The following GPR158 variants were observed in gnomAD, a reference collection of about 807,000 sequenced individuals.
GPR158 encodes the protein metabotropic glycine receptor.
A neutral mutation model predicts 78.2 loss-of-function variants in GPR158; 30 were observed. The ratio of observed to expected loss-of-function variants is 0.38; its 90% confidence interval spans 0.29 to 0.52. GPR158 has a LOEUF of 0.52. Ranked by LOEUF, GPR158 falls within the 20% of genes least tolerant of loss-of-function variation. GPR158 has a pLI of 0.83. For missense variants in GPR158, 1,463 were observed against 1,523.5 expected (o/e 0.96, Z 0.66); for synonymous variants, 581 against 591.1 (o/e 0.98, Z 0.25).
At chr10:25,409,007 A>G (rs962864034) in intron 3 of GPR158, among the ~76,000 whole-genome samples, 26 of 152,184 alleles carry the variant, frequency 1.7e-4, no homozygotes, top group Non-Finnish European at 2.6e-4. Flanking sequence ...AGTAAGGTTG[A>G]CAATGGAGAC....
At chr10:25,263,847 G>C (rs942511266) in intron 2 of GPR158, among the ~76,000 whole-genome samples, 1 of 152,206 alleles carries the variant, frequency 6.6e-6, no homozygotes, top group African/African-American at 2.4e-5. Flanking sequence ...TGAGGCAGGA[G>C]AATTGCTTGA....
At chr10:25,459,461 G>A (rs965500606) in intron 4 of GPR158, among the ~76,000 whole-genome samples, 1 of 152,026 alleles carries the variant, frequency 6.6e-6, no homozygotes, top group African/African-American at 2.4e-5. Context: ...TGTAATAGAA[G>A]GTCTAAATGT....
chr10:25,447,608 T>C (rs1034313233), intron 4 of GPR158, among the ~76,000 whole-genome samples: 4 of 152,222 alleles, frequency 2.6e-5, no homozygotes, highest in African/African-American at 7.2e-5. Context: ...TAATAAAATA[T>C]GCAACTGAAG....
chr10:25,303,477 T>C (rs1854627688), intron 2 of GPR158, among the ~76,000 whole-genome samples: 1 of 152,172 alleles, frequency 6.6e-6, no homozygotes, highest in Non-Finnish European at 1.5e-5. Flanking sequence ...ATTATCGAAT[T>C]TGTAGATAAA....
At chr10:25,252,288 T>TCGTC (rs1385235395) in intron 2 of GPR158, among the ~76,000 whole-genome samples, 1 of 151,682 alleles carries the variant, frequency 6.6e-6, no homozygotes, top group South Asian at 2.1e-4. Context: ...AGTAATTTGA[T>TCGTC]CGTCTGAAGC....
At chr10:25,513,329 T>C (rs1427695535) in intron 5 of GPR158, among the ~76,000 whole-genome samples, 1 of 151,924 alleles carries the variant, frequency 6.6e-6, no homozygotes, top group Non-Finnish European at 1.5e-5. Context: ...TGTGCATTCA[T>C]AGTAGCCTTG....
chr10:25,455,113 A>G (rs375976767), intron 4 of GPR158, among the ~76,000 whole-genome samples: 8 of 152,176 alleles, frequency 5.3e-5, no homozygotes, highest in African/African-American at 1.7e-4. Flanking sequence ...TTTCACCAGG[A>G]TGGGGAACTT....
chr10:25,591,915 G>A (rs1837345843), intron 8 of GPR158, among the ~76,000 whole-genome samples: 1 of 152,006 alleles, frequency 6.6e-6, no homozygotes. Context: ...GGAATTGATA[G>A]GGAGAAAGCA....
At chr10:25,200,766 C>T (rs1434090512) in intron 1 of GPR158, among the ~76,000 whole-genome samples, 1 of 151,986 alleles carries the variant, frequency 6.6e-6, no homozygotes, top group African/African-American at 2.4e-5. Flanking sequence ...AGTCCTTTCC[C>T]CATTGCTTGC....
intron 1 of GPR158, among the ~76,000 whole-genome samples, chr10:25,177,797 G>A (rs746515029): frequency 6.6e-6 from 1 of 152,342 alleles, no homozygotes; most frequent in Admixed American, 6.5e-5. Context: ...ACCATATTAA[G>A]TGCATGTGTG....
chr10:25,497,002 A>T (rs762749467), intron 5 of GPR158, among the ~76,000 whole-genome samples: 3 of 152,134 alleles, frequency 2.0e-5, no homozygotes, highest in Non-Finnish European at 4.4e-5. Flanking sequence ...CTGGGATCTG[A>T]GCTTGGACAG....
chr10:25,243,574 C>A (rs1056380987), intron 2 of GPR158, among the ~76,000 whole-genome samples: 6 of 152,192 alleles, frequency 3.9e-5, no homozygotes, highest in African/African-American at 1.4e-4. Flanking sequence ...TTAGATATCA[C>A]CTTCCCTGGA....
intron 5 of GPR158, 122 bp from the exon 6 acceptor site, chr10:25,550,854 G>A: frequency 1.5e-6 from 1 of 649,590 alleles, no homozygotes; most frequent in Non-Finnish European, 2.8e-6. Flanking sequence ...GTATTTTAAA[G>A]AAGTATTCAG....
At chr10:25,312,838 G>A (rs72796104) in intron 2 of GPR158, among the ~76,000 whole-genome samples, 6,491 of 152,062 alleles carry the variant, frequency 0.043, 150 homozygotes, top group African/African-American at 0.052. Flanking sequence ...GAATACAATC[G>A]TTATTAATCA....
chr10:25,433,566 T>TGTGA (rs760133941), intron 4 of GPR158, among the ~76,000 whole-genome samples: 1 of 144,096 alleles, frequency 6.9e-6, no homozygotes, highest in African/African-American at 2.6e-5. Context: ...TGTGTGTGTG[T>TGTGA]GTGTGCGCGC....
At chr10:25,521,140 G>A (rs551072646) in intron 5 of GPR158, among the ~76,000 whole-genome samples, 7 of 152,198 alleles carry the variant, frequency 4.6e-5, no homozygotes, top group Non-Finnish European at 7.3e-5. Context: ...AGGTGCATCC[G>A]TCACCCCTTT....
At chr10:25,342,075 C>T (rs1205761340) in intron 2 of GPR158, among the ~76,000 whole-genome samples, 1 of 151,950 alleles carries the variant, frequency 6.6e-6, no homozygotes, top group African/African-American at 2.4e-5. Context: ...TAAAATCTAA[C>T]ATACACGCTT....
At chr10:25,478,910 C>T (rs1296994755) in intron 5 of GPR158, among the ~76,000 whole-genome samples, 1 of 148,634 alleles carries the variant, frequency 6.7e-6, no homozygotes, top group Admixed American at 6.9e-5. Flanking sequence ...GTTTTTTTGT[C>T]ATTGCGATAG....
rs16926167 is a variant in GPR158 at position 25,593,176 on chromosome 10, G to C, written c.1893-1116G>C. On this transcript the variant is annotated intron_variant, in intron 8 of 10. Coordinates refer to ENST00000376351, the MANE Select transcript of GPR158 (RefSeq NM_020752.3). ...AAGGGAAAATAATTCTCCATTTTGGGTAACTGCTGAGCTTCCATTTTAGCT... is the reference window on the plus strand; with the variant it reads ...AAGGGAAAATAATTCTCCATTTTGGCTAACTGCTGAGCTTCCATTTTAGCT... 7.7e-4 allele frequency among the ~76,000 whole-genome samples: 117 copies of C among 152,018 alleles called. 1 individual carries two copies. Among genetic ancestry groups the C allele is most frequent in the African/African-American group, 2.8e-3 (117 of 41,516 alleles).
Sources: gnomAD v4.1 joint callset for allele counts (sites outside exome capture counted in the v4.1 genomes callset) on GRCh38, gnomAD v4.1.1 for gene constraint, MANE v1.5 for transcripts, NCBI Gene and HGNC (gene_info 2026-07-23, HGNC 2026-07-21) for gene names.